The following ISL1 variants were observed in gnomAD, a reference collection of about 807,000 sequenced individuals.
The protein encoded by ISL1 is insulin gene enhancer protein ISL-1.
In ISL1, 4 loss-of-function variants were observed where a neutral mutation model predicts 35.3. That is an observed-to-expected ratio of 0.11 (90% confidence interval 0.06 to 0.26). ISL1 has a LOEUF of 0.26. Ranked by LOEUF, ISL1 falls within the 10% of genes least tolerant of loss-of-function variation. ISL1 has a pLI of 1.00. For missense variants in ISL1, 340 were observed against 472.8 expected (o/e 0.72, Z 2.60); for synonymous variants, 186 against 172.3 (o/e 1.08, Z -0.62).
rs57707586 is a variant in ISL1 at position 51,390,642 on chromosome 5, C to CTTTTTTTTTTTTTTTTTTTT, written c.766-613_766-594dup. Among the ~76,000 whole-genome samples the CTTTTTTTTTTTTTTTTTTTT allele has an allele frequency of 1.6e-3, 63 of 40,210 alleles. 4 individuals carry two copies. Among genetic ancestry groups the CTTTTTTTTTTTTTTTTTTTT allele is most frequent in the Non-Finnish European group, 2.1e-3 (45 of 21,280 alleles). 26.4% of individuals were successfully genotyped at this position (40,210 alleles called of 152,430 possible). A position where few individuals can be genotyped will look rare whatever the true frequency, so the allele number is the denominator to read the frequency against. ...TCCTTTTTTTCTTTTCTTTCTTTTT[C>CTTTTTTTTTTTTTTTTTTTT]TTTTTTTTTTTTTTTTTTTTTTTTT... On this transcript the variant is annotated intron_variant, in intron 4 of 5. Coordinates refer to ENST00000230658, the MANE Select transcript of ISL1 (RefSeq NM_002202.3).
rs1334465096 is a variant in ISL1, at chr5:51,387,002, G to T, written c.219-488G>T. Among the ~76,000 whole-genome samples the T allele has an allele frequency of 6.6e-6, 1 of 152,048 alleles. No homozygotes were observed. The highest frequency in any genetic ancestry group is 1.5e-5 in the Non-Finnish European group (1 of 68,010). The stretch of plus-strand genomic sequence containing the variant: ...TTTTTTCTTGGAAGGAGGACTTTTT[G>T]TTGCAGTTTTAGACATTTCTAGCAG... On this transcript the variant is annotated intron_variant, in intron 2 of 5. Coordinates refer to ENST00000230658, the MANE Select transcript of ISL1 (RefSeq NM_002202.3). The surrounding 1 kb of genome is among the most constrained non-coding windows in gnomAD (Gnocchi z 4.3).
Position 51,391,366 on chromosome 5 carries a change from T to C in ISL1, c.858T>C (p.Ser286=). Reference sequence around the variant, plus strand: ...AGGCTAACCCAGTGGAAGTACAAAGTTACCAGCCACCTTGGAAAGTACTGA... The same window carrying C: ...AGGCTAACCCAGTGGAAGTACAAAGCTACCAGCCACCTTGGAAAGTACTGA... ...GLQANPVEVQ[S]YQPPWKVLSD... is the part of the protein sequence containing the mutation. The change falls in exon 5 of 6, where the codon AGT becomes AGC. Residue 286 remains serine (S), a synonymous_variant. Coordinates refer to ENST00000230658, the MANE Select transcript of ISL1 (RefSeq NM_002202.3). 1 of 1,614,124 alleles carries C rather than the reference T, an allele frequency of 6.2e-7. No individual in the cohort carries two copies. The highest frequency in any genetic ancestry group is 2.2e-5 in the East Asian group (1 of 44,862).
intron 4 of ISL1, among the ~76,000 whole-genome samples, chr5:51,390,651 T>C (rs1297179427): frequency 2.9e-5 from 3 of 102,520 alleles, no homozygotes; most frequent in African/African-American, 1.1e-4. Context: ...TCTTTTTTTT[T>C]TTTTTTTTTT....
Position 51,384,811 on chromosome 5 carries a change from T to A in ISL1, c.218+81T>A. On this transcript the variant is annotated intron_variant, in intron 2 of 5. Coordinates refer to ENST00000230658, the MANE Select transcript of ISL1 (RefSeq NM_002202.3). ...TCTTTATGTATTATTTGGTGTGGCTTTGTCTTTTTGTGAAGTTTGCCTCAG... is the reference window on the plus strand; with the variant it reads ...TCTTTATGTATTATTTGGTGTGGCTATGTCTTTTTGTGAAGTTTGCCTCAG... 3 of 1,371,050 alleles carry A rather than the reference T, an allele frequency of 2.2e-6. No homozygotes were observed. In the South Asian group the frequency reaches 3.5e-5, roughly 16 times the overall value. 84.9% of individuals were successfully genotyped at this position (1,371,050 alleles called of 1,614,324 possible).
chr5:51,384,466 A>G, intron 1 of ISL1, 75 bp from the exon 2 acceptor site: 2 of 1,383,440 alleles, frequency 1.4e-6, no homozygotes, highest in Non-Finnish European at 2.1e-6. Context: ...GCCCTATAAG[A>G]GAACGACACT....
rs554060027 is a variant in ISL1 at position 51,389,365 on chromosome 5, G to A, written c.479-281G>A. On this transcript the variant is annotated intron_variant, in intron 3 of 5. Coordinates refer to ENST00000230658, the MANE Select transcript of ISL1 (RefSeq NM_002202.3). The surrounding 1 kb of genome is among the most constrained non-coding windows in gnomAD (Gnocchi z 5.0). ...CTAACACTTTGTTGACACGAGGAGGGGCGAGTGCTGCGTTTCAGGCCGGGA... is the reference window on the plus strand; with the variant it reads ...CTAACACTTTGTTGACACGAGGAGGAGCGAGTGCTGCGTTTCAGGCCGGGA... Among the ~76,000 whole-genome samples the A allele has an allele frequency of 8.5e-4, 130 of 152,244 alleles. 1 individual carries two copies. Among genetic ancestry groups the A allele is most frequent in the African/African-American group, 3.0e-3 (125 of 41,534 alleles).
intron 3 of ISL1, among the ~76,000 whole-genome samples, chr5:51,388,121 T>TA (rs1264674745): frequency 6.6e-6 from 1 of 152,198 alleles, no homozygotes; most frequent in Non-Finnish European, 1.5e-5. Context: ...GCTGCCTAAT[T>TA]AAAGGGGCGG....
intron 5 of ISL1, among the ~76,000 whole-genome samples, chr5:51,391,936 A>G (rs1182565571): frequency 6.6e-6 from 1 of 152,238 alleles, no homozygotes; most frequent in African/African-American, 2.4e-5. Context: ...GTTGTTATCA[A>G]TAAACAGCAG....
At chr5:51,390,642 CTTTTTTTTTTTTTTTTTTTTTTTTTTT>C (rs57707586) in intron 4 of ISL1, among the ~76,000 whole-genome samples, 1 of 40,248 alleles carries the variant, frequency 2.5e-5, no homozygotes, top group Non-Finnish European at 4.7e-5. Context: ...CTTTCTTTTT[CTTTTTTTTTTTTTTTTTTTTTTTTTTT>C]TTTTTTTTTT....
At chr5:51,386,376 CTGTG>C (rs3138746) in intron 2 of ISL1, 39,002 of 261,160 alleles carry the variant, frequency 0.15, 2,088 homozygotes, top group African/African-American at 0.19. Context: ...TCTCTCAACT[CTGTG>C]TGTGTGTGTG....
rs144471631 is a variant in ISL1, at chr5:51,390,636, CTTTTT to C, written c.766-637_766-633del. ...TTTTCTTCCTTTTTTTCTTTTCTTT[CTTTTT>C]CTTTTTTTTTTTTTTTTTTTTTTTT... On this transcript the variant is annotated intron_variant, in intron 4 of 5. Coordinates refer to ENST00000230658, the MANE Select transcript of ISL1 (RefSeq NM_002202.3). Among the ~76,000 whole-genome samples the C allele has an allele frequency of 8.6e-3, 635 of 74,248 alleles. 11 individuals are homozygous for C. Among genetic ancestry groups the C allele is most frequent in the African/African-American group, 0.026 (616 of 23,592 alleles). The allele number at this position is 74,248 out of a possible 152,430, so 48.7% of individuals were successfully genotyped here.
chr5:51,393,339 G>GATTT (rs1747561081), intron 5 of ISL1, among the ~76,000 whole-genome samples, 155 bp from the exon 6 acceptor site: 2 of 152,178 alleles, frequency 1.3e-5, no homozygotes, highest in Non-Finnish European at 2.9e-5. Context: ...TCTCCTCTAG[G>GATTT]CTTTCTCTAA....
In ISL1 at chr5:51,383,469, C is replaced by G; in HGVS notation, c.-203C>G. On this transcript the variant is annotated 5_prime_UTR_variant, in exon 1 of 6. Coordinates refer to ENST00000230658, the MANE Select transcript of ISL1 (RefSeq NM_002202.3). ...CGCCGAGTCTGCCGCCGCCGCAGCG[C>G]CTCCGCTCCGCCAACTCCGCCGGCT... 1 of 628,028 alleles carries G rather than the reference C, an allele frequency of 1.6e-6. No homozygotes were observed. The highest frequency in any genetic ancestry group is 2.6e-5 in the Admixed American group (1 of 37,856). 38.9% of individuals were successfully genotyped at this position (628,028 alleles called of 1,614,324 possible).
intron 4 of ISL1, among the ~76,000 whole-genome samples, chr5:51,390,636 C>CTTTTTTTTTTTTTT (rs1216503548): frequency 1.3e-5 from 1 of 74,328 alleles, no homozygotes; most frequent in African/African-American, 4.2e-5. Context: ...TCTTTTCTTT[C>CTTTTTTTTTTTTTT]TTTTTCTTTT....
intron 5 of ISL1, among the ~76,000 whole-genome samples, chr5:51,392,679 A>G (rs1747545002): frequency 6.6e-6 from 1 of 152,218 alleles, no homozygotes; most frequent in Non-Finnish European, 1.5e-5. Context: ...CCTGAATCAC[A>G]GGAGGAAGGT....
chr5:51,392,804 C>T (rs1747549264), intron 5 of ISL1, among the ~76,000 whole-genome samples: 1 of 152,036 alleles, frequency 6.6e-6, no homozygotes, highest in Non-Finnish European at 1.5e-5. Flanking sequence ...AGGTTTACAA[C>T]AGCAGTACAA....
At chr5:51,384,756 A>G in intron 2 of ISL1, 26 bp downstream of exon 2, 1 of 1,585,484 alleles carries the variant, frequency 6.3e-7, no homozygotes, top group Non-Finnish European at 8.7e-7. Context: ...TTCTTTCTTA[A>G]TTTTGTGGGA....
intron 2 of ISL1, among the ~76,000 whole-genome samples, chr5:51,385,581 G>T (rs200537284): frequency 6.7e-5 from 10 of 148,702 alleles, no homozygotes; most frequent in Admixed American, 2.7e-4. Context: ...GAGAGTTTTT[G>T]TTTTTTTTTT....
rs1419346046 is a variant in ISL1, at chr5:51,383,556, G to T, written c.-116G>T. 2 of 909,220 alleles carry T rather than the reference G, an allele frequency of 2.2e-6. No homozygotes were observed. Among genetic ancestry groups the T allele is most frequent in the Non-Finnish European group, 3.7e-6 (2 of 539,616 alleles). 56.3% of individuals were successfully genotyped at this position (909,220 alleles called of 1,614,324 possible). On this transcript the variant is annotated 5_prime_UTR_variant, in exon 1 of 6. Coordinates refer to ENST00000230658, the MANE Select transcript of ISL1 (RefSeq NM_002202.3). Reference sequence around the variant, plus strand: ...GCCGAGCAGCGGCTCTTTCAGCATTGGCAACCCCAGGGGCCAATATTTCCC... The same window carrying T: ...GCCGAGCAGCGGCTCTTTCAGCATTTGCAACCCCAGGGGCCAATATTTCCC...
Sources: gnomAD v4.1 joint callset for allele counts (sites outside exome capture counted in the v4.1 genomes callset) on GRCh38, gnomAD v4.1.1 for gene constraint, Gnocchi (gnomAD v3.1) non-coding constraint, MANE v1.5 for transcripts, NCBI Gene and HGNC (gene_info 2026-07-23, HGNC 2026-07-21) for gene names.